Variants in KCNIP4 observed in about 807,000 individuals in gnomAD.
The protein encoded by KCNIP4 is Kv channel-interacting protein 4.
A neutral mutation model predicts 34.0 loss-of-function variants in KCNIP4; 12 were observed. That is an observed-to-expected ratio of 0.35 (90% CI 0.23 to 0.57). The LOEUF is 0.57. Ranked by LOEUF, KCNIP4 falls within the 20% of genes least tolerant of loss-of-function variation. The pLI is 0.83. For missense variants in KCNIP4, 238 were observed against 311.7 expected, an observed-to-expected ratio of 0.76 and a Z score of 1.78; for synonymous variants, 124 against 102.2, an observed-to-expected ratio of 1.21 and a Z score of -1.29.
At chr4:20,904,172 C>T (rs1373851566) in intron 1 of KCNIP4, among the ~76,000 whole-genome samples, 1 of 152,048 alleles carries the variant, frequency 6.6e-6, no homozygotes, top group Non-Finnish European at 1.5e-5. Context: ...TGTTACCCTT[C>T]TCTAATAGAA....
intron 1 of KCNIP4, among the ~76,000 whole-genome samples, chr4:21,786,773 A>G (rs1197951769): frequency 1.3e-5 from 2 of 151,742 alleles, no homozygotes; most frequent in African/African-American, 4.8e-5. Context: ...TCATCGTGTT[A>G]GCCAGGATGG....
chr4:21,030,454 AAATGT>A (rs1740921263), intron 1 of KCNIP4, among the ~76,000 whole-genome samples: 1 of 152,168 alleles, frequency 6.6e-6, no homozygotes, highest in Non-Finnish European at 1.5e-5. Flanking sequence ...AGTGCACAAT[AAATGT>A]AATGTGCTTG....
intron 1 of KCNIP4, among the ~76,000 whole-genome samples, chr4:21,600,185 T>C (rs1264026083): frequency 1.3e-5 from 2 of 152,012 alleles, no homozygotes; most frequent in African/African-American, 4.8e-5. Flanking sequence ...AGATAAACAA[T>C]ACAAAAACTT....
intron 1 of KCNIP4, among the ~76,000 whole-genome samples, chr4:20,934,675 A>G (rs1380053150): frequency 6.6e-6 from 1 of 152,238 alleles, no homozygotes; most frequent in Non-Finnish European, 1.5e-5. Context: ...ATGGAGCTTA[A>G]GTTCTAGTGA....
intron 1 of KCNIP4, among the ~76,000 whole-genome samples, chr4:21,727,921 C>T (rs957552936): frequency 1.8e-4 from 27 of 152,238 alleles, no homozygotes; most frequent in Middle Eastern, 3.4e-3. Flanking sequence ...ACACAAGCCA[C>T]GACCTAAAAT....
chr4:20,831,812 G>A (rs113578665), intron 3 of KCNIP4, among the ~76,000 whole-genome samples: 194 of 152,320 alleles, frequency 1.3e-3, no homozygotes, highest in African/African-American at 4.2e-3. Flanking sequence ...ATGGTGCCTT[G>A]ATTCTGCTGC....
In KCNIP4 at chr4:21,225,032, GTGTTCTGA is replaced by G. The variant is rs1348075120; in HGVS notation, c.62-342331_62-342324del. ...CTTGCTCTAGTGTGGGCTACTGTAA[GTGTTCTGA>G]GCATGTTTAAGGTAGGCTATGTTAA... On this transcript the variant is annotated intron_variant, in intron 1 of 8. Transcript: ENST00000382152. Among the ~76,000 whole-genome samples, 3 of 152,304 alleles carry G rather than the reference GTGTTCTGA, an allele frequency of 2.0e-5. No individual in the cohort carries two copies. In the East Asian group the frequency reaches 5.8e-4, roughly 29 times the overall value.
intron 1 of KCNIP4, among the ~76,000 whole-genome samples, chr4:21,337,386 T>C (rs1716282226): frequency 6.6e-6 from 1 of 152,158 alleles, no homozygotes; most frequent in Admixed American, 6.5e-5. Context: ...AGGCTGATTC[T>C]ACAGTCACTT....
At chr4:21,434,837 T>C (rs1485662328) in intron 1 of KCNIP4, among the ~76,000 whole-genome samples, 1 of 148,762 alleles carries the variant, frequency 6.7e-6, no homozygotes, top group Non-Finnish European at 1.5e-5. Context: ...GGACCACCGA[T>C]AGAGAACTGA....
At chr4:21,487,332 T>C (rs1732006054) in intron 1 of KCNIP4, among the ~76,000 whole-genome samples, 1 of 152,154 alleles carries the variant, frequency 6.6e-6, no homozygotes, top group Non-Finnish European at 1.5e-5. Context: ...TTCTCATGAT[T>C]AGAATACGCT....
At chr4:21,508,260 A>G (rs1194206023) in intron 1 of KCNIP4, among the ~76,000 whole-genome samples, 1 of 152,204 alleles carries the variant, frequency 6.6e-6, no homozygotes, top group East Asian at 1.9e-4. Flanking sequence ...ATTTAAAACT[A>G]ATTTCTAACT....
intron 2 of KCNIP4, among the ~76,000 whole-genome samples, chr4:20,877,971 T>TC (rs386399457): frequency 5.7e-3 from 283 of 50,046 alleles, no homozygotes; most frequent in African/African-American, 0.018. Context: ...TCTCTCTCTC[T>TC]TTTTTTTTTT....
chr4:21,178,793 T>G (rs1754626271), intron 1 of KCNIP4, among the ~76,000 whole-genome samples: 1 of 151,416 alleles, frequency 6.6e-6, no homozygotes, highest in African/African-American at 2.4e-5. Context: ...CTCCTTCTAG[T>G]TTTCTGTCTT....
intron 1 of KCNIP4, among the ~76,000 whole-genome samples, chr4:20,955,958 C>T (rs1733260362): frequency 1.3e-5 from 2 of 152,202 alleles, no homozygotes; most frequent in Admixed American, 1.3e-4. Context: ...CATTATTTCT[C>T]AGCAATGCTC....
intron 1 of KCNIP4, among the ~76,000 whole-genome samples, chr4:21,771,301 T>C (rs1048110186): frequency 6.6e-6 from 1 of 152,208 alleles, no homozygotes; most frequent in African/African-American, 2.4e-5. Context: ...TTGTTCTACA[T>C]GTCTGTTTTG....
chr4:21,128,054 G>A (rs554604176), intron 1 of KCNIP4, among the ~76,000 whole-genome samples: 2 of 152,298 alleles, frequency 1.3e-5, no homozygotes, highest in Admixed American at 6.5e-5. Flanking sequence ...TTCCTGGTCT[G>A]TTCCTGTTAA....
rs574362178 is a variant in KCNIP4, at chr4:21,172,177, G to A, written c.62-289468C>T. Among the ~76,000 whole-genome samples, 22 of 152,092 alleles carry A rather than the reference G, an allele frequency of 1.4e-4. 1 individual carries two copies. Among genetic ancestry groups the A allele is most frequent in the African/African-American group, 2.9e-4 (12 of 41,492 alleles). ...CGAGTAGCTGGGATTATAGGTATGC[G>A]CCACCATGCCTGGATGGCTAATTTT... On this transcript the variant is annotated intron_variant, in intron 1 of 8. Transcript: ENST00000382152.
chr4:20,729,944 T>A lies in KCNIP4; in HGVS notation c.*138A>T. The A allele has an allele frequency of 9.9e-7, 1 of 1,011,344 alleles. No homozygotes were observed. The highest frequency in any genetic ancestry group is 1.4e-6 in the Non-Finnish European group (1 of 736,798). 62.6% of individuals were successfully genotyped at this position (1,011,344 alleles called of 1,614,324 possible). Reference sequence around the variant, plus strand: ...AAGCTCAAATCTTTTGGGGATTGCTTTATATTAAAACAAAGCTTGTTTGCA... The same window carrying A: ...AAGCTCAAATCTTTTGGGGATTGCTATATATTAAAACAAAGCTTGTTTGCA... On this transcript the variant is annotated 3_prime_UTR_variant, in exon 9 of 9. Coordinates refer to ENST00000382152, the MANE Select transcript of KCNIP4 (RefSeq NM_025221.6).
chr4:20,802,028 CAAAG>C (rs909280425), intron 3 of KCNIP4, among the ~76,000 whole-genome samples: 2 of 150,512 alleles, frequency 1.3e-5, no homozygotes, highest in Non-Finnish European at 3.0e-5. Flanking sequence ...TCAGAAGAGA[CAAAG>C]AAGGTAATTA....
Sources: gnomAD v4.1 joint callset for allele counts (sites outside exome capture counted in the v4.1 genomes callset) on GRCh38, gnomAD v4.1.1 for gene constraint, MANE v1.5 for transcripts, NCBI Gene and HGNC (gene_info 2026-07-23, HGNC 2026-07-21) for gene names.